Variants in RPS19BP1 observed in about 807,000 individuals in gnomAD.
RPS19BP1 encodes active regulator of SIRT1.
RPS19BP1 carries 14 observed loss-of-function variants against 16.6 expected under a neutral mutation model. The observed-to-expected ratio is 0.84, with a 90% CI of 0.56 to 1.32. The LOEUF (loss-of-function observed/expected upper bound fraction) is 1.32, where lower values mean the gene tolerates loss of function less well. RPS19BP1 is among the 40% of genes most tolerant of loss of function. The pLI is 0.00. For missense variants in RPS19BP1, 188 were observed against 178.6 expected, an observed-to-expected ratio of 1.05 and a Z score of -0.30; for synonymous variants, 90 against 77.3, an observed-to-expected ratio of 1.16 and a Z score of -0.86.
At chr22:39,532,547 G>C in intron 1 of RPS19BP1, 24 bp from the exon 2 acceptor site, 2 of 1,613,206 alleles carry the variant, frequency 1.2e-6, no homozygotes, top group Non-Finnish European at 8.5e-7. Context: ...GAGAGGAAGA[G>C]ACCCAGGTCA....
chr22:39,529,721 C>T, intron 3 of RPS19BP1, 98 bp from the exon 4 acceptor site: 6 of 1,596,468 alleles, frequency 3.8e-6, no homozygotes, highest in South Asian at 1.1e-5. Flanking sequence ...CTGGCCCAGC[C>T]TCCCACCCTA....
In RPS19BP1 at chr22:39,529,559, T is replaced by G. The variant is rs146566842; in HGVS notation, c.344A>C (p.Lys115Thr). ...CTCGGTGAACACGGTGCCCTCAGCC[T>G]TCTTCTTCTTGGTCTTGGCCACAGG... ...DRPVAKTKKK[K>T]AEGTVFTEED... Residue 115 changes from lysine to threonine, a missense_variant, in exon 4 of 4, where the codon AAG becomes ACG. Coordinates refer to ENST00000334678, the MANE Select transcript of RPS19BP1 (RefSeq NM_194326.4). 6.6e-5 allele frequency: 106 copies of G among 1,614,008 alleles called. No homozygotes were observed. The highest frequency in any genetic ancestry group is 3.0e-4 in the Admixed American group (18 of 60,014).
intron 2 of RPS19BP1, chr22:39,532,194 C>T (rs1386087134): frequency 3.2e-6 from 2 of 629,382 alleles, no homozygotes; most frequent in Non-Finnish European, 5.4e-6. Flanking sequence ...GCTTCTCTCC[C>T]CACTAGGGCC....
chr22:39,532,282 A>G (rs1251332504), intron 2 of RPS19BP1, 113 bp downstream of exon 2: 23 of 1,484,334 alleles, frequency 1.5e-5, no homozygotes, highest in Admixed American at 2.0e-5. Flanking sequence ...CCTGGCACAC[A>G]GTAGGTCTAG....
At position 39,532,707 on chromosome 22, in the gene RPS19BP1, T is replaced by C; in HGVS notation, c.32A>G (p.Glu11Gly). 1 of 1,542,880 alleles carries C rather than the reference T, an allele frequency of 6.5e-7. No individual in the cohort carries two copies. Among genetic ancestry groups the C allele is most frequent in the Non-Finnish European group, 8.7e-7 (1 of 1,146,998 alleles). MSAALLRRGLELLAASEAPRD... is the reference protein window; with the variant it reads MSAALLRRGLGLLAASEAPRD... Reference sequence around the variant, plus strand: ...CTCACCCTCGGACGCCGCCAGCAGCTCCAGGCCCCGCCGCAGCAGGGCGGC... The same window carrying C: ...CTCACCCTCGGACGCCGCCAGCAGCCCCAGGCCCCGCCGCAGCAGGGCGGC... Residue 11 changes from glutamate to glycine, a missense_variant, in exon 1 of 4, where the codon GAG becomes GGG. Glu to Gly is a moderately conservative substitution (Grantham distance 98, BLOSUM62 -2). Coordinates refer to ENST00000334678, the MANE Select transcript of RPS19BP1 (RefSeq NM_194326.4).
At chr22:39,529,758 C>T in intron 3 of RPS19BP1, 62 bp downstream of exon 3, 3 of 1,598,404 alleles carry the variant, frequency 1.9e-6, no homozygotes, top group Admixed American at 1.7e-5. Context: ...CGCCATGGGT[C>T]CCTAGGGGAA....
At chr22:39,530,530 C>T (rs750298391) in intron 2 of RPS19BP1, 32 of 272,230 alleles carry the variant, frequency 1.2e-4, no homozygotes, top group Middle Eastern at 1.3e-3. Flanking sequence ...TCGAGATCAG[C>T]GTGGCCAACA....
chr22:39,531,042 G>A (rs1248645798), intron 2 of RPS19BP1: 1 of 152,276 alleles, frequency 6.6e-6, no homozygotes, highest in African/African-American at 2.4e-5. Context: ...GAGCAAAGTG[G>A]CAGCTGCAGA....
rs985086013 is a variant in RPS19BP1 at position 39,529,432 on chromosome 22, G to A, written c.*60C>T. 3.8e-6 allele frequency: 6 copies of A among 1,599,068 alleles called. No individual in the cohort carries two copies. Among genetic ancestry groups the A allele is most frequent in the African/African-American group, 1.3e-5 (1 of 74,496 alleles). The stretch of plus-strand genomic sequence containing the variant: ...CCGCGCGGCACGGCCGGTTCCTGGA[G>A]CCAGCAGGAGTCGGAGGCTGCAGGG... On this transcript the variant is annotated 3_prime_UTR_variant, in exon 4 of 4. Coordinates refer to ENST00000334678, the MANE Select transcript of RPS19BP1 (RefSeq NM_194326.4).
chr22:39,530,587 T>C, intron 2 of RPS19BP1: 1 of 265,220 alleles, frequency 3.8e-6, no homozygotes. Context: ...TAGCTGGGTG[T>C]GGTGGTGGGC....
rs1000822683 is a variant in RPS19BP1 at position 39,529,237 on chromosome 22, C to T, written c.*255G>A. 3.7e-6 allele frequency: 2 copies of T among 533,860 alleles called. No individual in the cohort carries two copies. The highest frequency in any genetic ancestry group is 3.8e-5 in the African/African-American group (2 of 52,304). The allele number at this position is 533,860 out of a possible 1,614,324, so 33.1% of individuals were successfully genotyped here. ...TGGGCAAAAGCAAACAAAACAGATA[C>T]GTTCCTTTCCGGCAGGTGCAGATGC... On this transcript the variant is annotated 3_prime_UTR_variant, in exon 4 of 4. Coordinates refer to ENST00000334678, the MANE Select transcript of RPS19BP1 (RefSeq NM_194326.4).
In RPS19BP1 at chr22:39,529,504, G is replaced by A; in HGVS notation, c.399C>T (p.Tyr133=). The A allele has an allele frequency of 6.2e-7, 1 of 1,614,206 alleles. No individual in the cohort carries two copies. Among genetic ancestry groups the A allele is most frequent in the Non-Finnish European group, 8.5e-7 (1 of 1,180,024 alleles). ...EEDFQKFQQE[Y]FGS Reference sequence around the variant, plus strand: ...CCCTCCAGGGAGCCTAGCTGCCGAAGTATTCCTGCTGGAACTTCTGGAAGT... The same window carrying A: ...CCCTCCAGGGAGCCTAGCTGCCGAAATATTCCTGCTGGAACTTCTGGAAGT... Residue 133 remains tyrosine, a synonymous_variant, in exon 4 of 4, where the codon TAC becomes TAT. Coordinates refer to ENST00000334678, the MANE Select transcript of RPS19BP1 (RefSeq NM_194326.4).
At position 39,532,692 on chromosome 22, in the gene RPS19BP1, G is replaced by C. The variant is rs1442325138; in HGVS notation, c.47C>G (p.Ser16Cys). 6.5e-7 allele frequency: 1 copy of C among 1,543,936 alleles called. No individual in the cohort carries two copies. The highest frequency in any genetic ancestry group is 2.4e-5 in the East Asian group (1 of 40,980). ...CCCTGGCCAGCCCTCCTCACCCTCG[G>C]ACGCCGCCAGCAGCTCCAGGCCCCG... ...LRRGLELLAA[S>C]EAPRDPPGQA... The change falls in exon 1 of 4, where the codon TCC (serine) becomes TGC (cysteine). Residue 16 changes from serine (S) to cysteine (C), a missense_variant. Coordinates refer to ENST00000334678, the MANE Select transcript of RPS19BP1 (RefSeq NM_194326.4).
chr22:39,529,261 G>A lies in RPS19BP1; in HGVS notation c.*231C>T, dbSNP rs1415476473. On this transcript the variant is annotated 3_prime_UTR_variant, in exon 4 of 4. Coordinates refer to ENST00000334678, the MANE Select transcript of RPS19BP1 (RefSeq NM_194326.4). Reference sequence around the variant, plus strand: ...ACGTTCCTTTCCGGCAGGTGCAGATGCTCTGCCCAGGCCTGCGGAAGCCAG... The same window carrying A: ...ACGTTCCTTTCCGGCAGGTGCAGATACTCTGCCCAGGCCTGCGGAAGCCAG... 2.7e-5 allele frequency: 16 copies of A among 587,552 alleles called. No homozygotes were observed. Among genetic ancestry groups the A allele is most frequent in the Non-Finnish European group, 4.5e-5 (15 of 335,852 alleles). The allele number at this position is 587,552 out of a possible 1,614,324, so 36.4% of individuals were successfully genotyped here. A position where few individuals can be genotyped will look rare whatever the true frequency, so the allele number is the denominator to read the frequency against.
chr22:39,531,212 A>T (rs1343796622), intron 2 of RPS19BP1: 1 of 152,326 alleles, frequency 6.6e-6, no homozygotes, highest in East Asian at 1.9e-4. Context: ...CCAGGACACG[A>T]CAGTGAGACA....
At chr22:39,529,758 C>G in intron 3 of RPS19BP1, 62 bp downstream of exon 3, 1 of 1,598,404 alleles carries the variant, frequency 6.3e-7, no homozygotes, top group Non-Finnish European at 8.6e-7. Context: ...CGCCATGGGT[C>G]CCTAGGGGAA....
intron 2 of RPS19BP1, chr22:39,531,481 C>T (rs1283324675): frequency 2.0e-5 from 3 of 152,262 alleles, no homozygotes; most frequent in East Asian, 1.9e-4. Context: ...CCAGCCCCTC[C>T]GAAAGTCTTT....
chr22:39,529,902 C>T lies in RPS19BP1; in HGVS notation c.197G>A (p.Arg66Gln), dbSNP rs371604944. 37 of 1,614,036 alleles carry T rather than the reference C, an allele frequency of 2.3e-5. No individual in the cohort carries two copies. The highest frequency in any genetic ancestry group is 2.0e-4 in the Admixed American group (12 of 60,012). ...PKSALDEYRK[R>Q]ECRDHLRVNL... ...TACTCTGAGGTGGTCTCGACACTCTCGCTTCCGGTACTCGTCTGTGGGTAG... is the reference window on the plus strand; with the variant it reads ...TACTCTGAGGTGGTCTCGACACTCTTGCTTCCGGTACTCGTCTGTGGGTAG... The change falls in exon 3 of 4, where the codon CGA (arginine) becomes CAA (glutamine). Residue 66 changes from arginine to glutamine, a missense_variant. Transcript: ENST00000334678.
At chr22:39,529,669 G>C in intron 3 of RPS19BP1, 46 bp from the exon 4 acceptor site, 1 of 1,609,734 alleles carries the variant, frequency 6.2e-7, no homozygotes, top group Non-Finnish European at 8.5e-7. Context: ...AAGAGCAGAG[G>C]AGGCCCGCAA....
Sources: allele counts gnomAD v4.1 joint callset, GRCh38; gene constraint gnomAD v4.1.1; transcripts MANE v1.5; gene names NCBI Gene and HGNC (gene_info 2026-07-23, HGNC 2026-07-21).